The following SEL1L2 variants were observed in gnomAD, a reference collection of about 807,000 sequenced individuals.
SEL1L2 encodes SEL1L2 adaptor subunit of SYVN1 ubiquitin ligase.
Under a neutral mutation model 98.8 loss-of-function variants are expected in SEL1L2, and 89 were observed. The ratio of observed to expected loss-of-function variants is 0.90; its 90% CI spans 0.76 to 1.07. SEL1L2 has a LOEUF of 1.07. SEL1L2 is among the 50% of genes least tolerant of loss of function. The pLI is 0.00. For missense variants in SEL1L2, 788 were observed against 812.0 expected (o/e 0.97, Z 0.36); for synonymous variants, 262 against 278.5 (o/e 0.94, Z 0.59).
At chr20:13,905,031 T>G (rs941359643) in intron 5 of SEL1L2, among the ~76,000 whole-genome samples, 2 of 152,092 alleles carry the variant, frequency 1.3e-5, no homozygotes, top group African/African-American at 4.8e-5. Context: ...ATTCTGTGAC[T>G]GGGGAGGGGC....
At chr20:13,977,757 C>T (rs2051615816) in intron 1 of SEL1L2, among the ~76,000 whole-genome samples, 2 of 152,058 alleles carry the variant, frequency 1.3e-5, no homozygotes, top group South Asian at 2.1e-4. Flanking sequence ...AAGTGCTACC[C>T]TACTGAATAG....
rs3042764 is a variant in SEL1L2, at chr20:13,939,665, C to CTTTTTTTTTTTTTT, written c.115-7908_115-7895dup. Among the ~76,000 whole-genome samples the CTTTTTTTTTTTTTT allele has an allele frequency of 1.9e-4, 27 of 138,582 alleles. 4 individuals carry two copies. Among genetic ancestry groups the CTTTTTTTTTTTTTT allele is most frequent in the African/African-American group, 2.6e-4 (9 of 34,776 alleles). The allele number at this position is 138,582 out of a possible 152,430, so 90.9% of individuals were successfully genotyped here. On this transcript the variant is annotated intron_variant, in intron 2 of 19. Coordinates refer to ENST00000284951, the MANE Select transcript of SEL1L2 (RefSeq NM_025229.2). ...AGTCATGGAATGAAACACCCTTATT[C>CTTTTTTTTTTTTTT]TTTTTTTTTTTTTTTTTTGAGACAG...
At chr20:13,894,828 T>C (rs537470300) in intron 5 of SEL1L2, among the ~76,000 whole-genome samples, 1 of 152,336 alleles carries the variant, frequency 6.6e-6, no homozygotes, top group African/African-American at 2.4e-5. Context: ...TTGTAACTAG[T>C]TAGTAGATTG....
intron 1 of SEL1L2, among the ~76,000 whole-genome samples, chr20:13,960,815 C>CT (rs2050743434): frequency 6.6e-6 from 1 of 152,148 alleles, no homozygotes; most frequent in South Asian, 2.1e-4. Context: ...ATTAGATCTA[C>CT]TTGCCTGAGG....
At chr20:13,857,622 T>C (rs886454304) in intron 18 of SEL1L2, among the ~76,000 whole-genome samples, 2 of 152,194 alleles carry the variant, frequency 1.3e-5, no homozygotes, top group Non-Finnish European at 2.9e-5. Flanking sequence ...TTGAATAACA[T>C]GGTGGTGCCA....
chr20:13,913,579 T>C lies in SEL1L2; in HGVS notation c.549+203A>G, dbSNP rs2048289078. ...ATTTCTTCATATAGGTGAATACATT[T>C]TATATAAAATTTAGCTGTTGGGGGT... On this transcript the variant is annotated intron_variant, in intron 5 of 19. Coordinates refer to ENST00000284951, the MANE Select transcript of SEL1L2 (RefSeq NM_025229.2). The C allele has an allele frequency of 7.3e-6, 3 of 408,740 alleles. No homozygotes were observed. In the Admixed American group the frequency reaches 1.3e-4, roughly 18 times the overall value. The allele number at this position is 408,740 out of a possible 1,614,324, so 25.3% of individuals were successfully genotyped here.
chr20:13,992,698 T>A (rs1022434189), upstream of SEL1L2, among the ~76,000 whole-genome samples: 4 of 152,112 alleles, frequency 2.6e-5, no homozygotes, highest in Non-Finnish European at 5.9e-5. Context: ...CAAAATAATA[T>A]AGACTGGGTG....
intron 2 of SEL1L2, among the ~76,000 whole-genome samples, chr20:13,935,115 T>G: frequency 6.6e-6 from 1 of 152,242 alleles, no homozygotes; most frequent in Non-Finnish European, 1.5e-5. Context: ...CAGAGGTCAG[T>G]GTTTCTTGAC....
intron 2 of SEL1L2, among the ~76,000 whole-genome samples, chr20:13,939,593 T>C (rs1433756457): frequency 6.6e-6 from 1 of 152,086 alleles, no homozygotes; most frequent in Non-Finnish European, 1.5e-5. Context: ...TGGGACTATT[T>C]TAATAGCCTC....
At chr20:13,994,176 A>G (rs2052586689), upstream of SEL1L2, among the ~76,000 whole-genome samples, 1 of 151,870 alleles carries the variant, frequency 6.6e-6, no homozygotes, top group South Asian at 2.1e-4. Context: ...CATGCCTGTA[A>G]TCTCAGCTAC....
At chr20:13,904,075 A>G (rs966812549) in intron 5 of SEL1L2, among the ~76,000 whole-genome samples, 12 of 152,236 alleles carry the variant, frequency 7.9e-5, no homozygotes, top group African/African-American at 2.7e-4. Context: ...GCTTTTTATT[A>G]TAATTTCAGT....
chr20:13,959,891 T>A (rs2050704366), intron 1 of SEL1L2, among the ~76,000 whole-genome samples: 1 of 152,236 alleles, frequency 6.6e-6, no homozygotes, highest in Non-Finnish European at 1.5e-5. Context: ...AATGCATTAG[T>A]AGTTTAAAAG....
At chr20:13,949,272 C>G (rs1231187997) in intron 2 of SEL1L2, among the ~76,000 whole-genome samples, 1 of 152,166 alleles carries the variant, frequency 6.6e-6, no homozygotes, top group African/African-American at 2.4e-5. Flanking sequence ...GGACATCAAG[C>G]CCATGGAAAT....
intron 2 of SEL1L2, among the ~76,000 whole-genome samples, chr20:13,955,570 G>A (rs2050495909): frequency 6.6e-6 from 1 of 152,154 alleles, no homozygotes; most frequent in African/African-American, 2.4e-5. Context: ...CCATTGTAAT[G>A]CTTTGGTTTC....
intron 11 of SEL1L2, 83 bp from the exon 12 acceptor site, chr20:13,876,198 C>A: frequency 1.0e-6 from 1 of 978,404 alleles, no homozygotes; most frequent in South Asian, 1.3e-5. Context: ...ATAGAGGTAA[C>A]AGTGGTACAA....
chr20:13,964,868 C>T (rs2050967189), intron 1 of SEL1L2, among the ~76,000 whole-genome samples: 1 of 152,164 alleles, frequency 6.6e-6, no homozygotes, highest in African/African-American at 2.4e-5. Flanking sequence ...CATCTTCCCC[C>T]AGACATATTT....
chr20:13,979,952 C>T (rs1323337476), intron 1 of SEL1L2, among the ~76,000 whole-genome samples: 2 of 151,866 alleles, frequency 1.3e-5, no homozygotes, highest in East Asian at 3.9e-4. Context: ...ATTTGCAAAC[C>T]ATACATTTGA....
At chr20:13,983,026 A>AAAAAAAAAAAAAAAAAAAC (rs1569086151) in intron 1 of SEL1L2, among the ~76,000 whole-genome samples, 2 of 116,112 alleles carry the variant, frequency 1.7e-5, no homozygotes, top group South Asian at 2.6e-4. Context: ...TCCATCTCAA[A>AAAAAAAAAAAAAAAAAAAC]AAAAAAAAAA....
intron 4 of SEL1L2, among the ~76,000 whole-genome samples, chr20:13,918,136 T>G (rs550366538): frequency 6.6e-6 from 1 of 152,276 alleles, no homozygotes; most frequent in East Asian, 1.9e-4. Flanking sequence ...CTTGCTTTCT[T>G]TGCCCCCATA....
Sources: gnomAD v4.1 joint callset for allele counts (sites outside exome capture counted in the v4.1 genomes callset) on GRCh38, gnomAD v4.1.1 for gene constraint, MANE v1.5 for transcripts, NCBI Gene and HGNC (gene_info 2026-07-23, HGNC 2026-07-21) for gene names.